Variants in MAF observed in about 807,000 individuals in gnomAD.
MAF encodes transcription factor Maf.
MAF carries 10 observed loss-of-function variants against 22.0 expected under a neutral mutation model. The ratio of observed to expected loss-of-function variants is 0.45; its 90% CI spans 0.28 to 0.77. The LOEUF is 0.77. MAF is among the 30% of genes least tolerant of loss of function. MAF has a pLI of 0.12. For missense variants in MAF, 544 were observed against 548.4 expected (o/e 0.99, Z 0.08); for synonymous variants, 337 against 255.8 (o/e 1.32, Z -3.03).
At chr16:79,436,719 C>G in the MAF span, among the ~76,000 whole-genome samples, 1 of 152,200 alleles carries the variant, frequency 6.6e-6, no homozygotes, top group Non-Finnish European at 1.5e-5. Context: ...ACATGTCACA[C>G]TTTATATTTG....
the MAF span, among the ~76,000 whole-genome samples, chr16:79,512,519 A>G: frequency 6.6e-6 from 1 of 152,034 alleles, no homozygotes; most frequent in African/African-American, 2.4e-5. Context: ...TTAGGGGAGA[A>G]ATGGCGGCTC....
the MAF span, among the ~76,000 whole-genome samples, chr16:79,329,543 TA>T: frequency 6.6e-6 from 1 of 151,832 alleles, no homozygotes; most frequent in African/African-American, 2.4e-5. Context: ...CCCCCAAAAT[TA>T]AAAAAACTGT....
the MAF span, among the ~76,000 whole-genome samples, chr16:79,567,498 T>G: frequency 6.6e-6 from 1 of 152,228 alleles, no homozygotes; most frequent in Admixed American, 6.5e-5. Context: ...TTTTGCTTTT[T>G]CTTTTTTAAA....
At chr16:79,349,284 C>G in the MAF span, among the ~76,000 whole-genome samples, 28 of 152,156 alleles carry the variant, frequency 1.8e-4, no homozygotes, top group African/African-American at 6.5e-4. Flanking sequence ...AGGTCAGGCT[C>G]CTAAGAGGGA....
the MAF span, among the ~76,000 whole-genome samples, chr16:79,286,696 T>A: frequency 7.3e-3 from 1,117 of 152,274 alleles, 16 homozygotes; most frequent in African/African-American, 0.025. Flanking sequence ...CCCACAGACA[T>A]TCCCACGCAT....
chr16:79,318,746 G>A, the MAF span, among the ~76,000 whole-genome samples: 1 of 152,150 alleles, frequency 6.6e-6, no homozygotes, highest in African/African-American at 2.4e-5. Context: ...ATCAAAGATT[G>A]TGCCATAAAA....
At chr16:79,213,791 A>AAAAGATAGTAAAAGTTT in the MAF span, among the ~76,000 whole-genome samples, 1 of 151,788 alleles carries the variant, frequency 6.6e-6, no homozygotes. Context: ...CAGCAATGCA[A>AAAAGATAGTAAAAGTTT]AAGATAGTAA....
At chr16:79,384,681 C>T in the MAF span, among the ~76,000 whole-genome samples, 6 of 150,406 alleles carry the variant, frequency 4.0e-5, no homozygotes, top group South Asian at 2.1e-4. Context: ...GGCGTGAACC[C>T]GGGAGGCGGA....
the MAF span, among the ~76,000 whole-genome samples, chr16:79,329,557 A>G: frequency 6.6e-6 from 1 of 152,186 alleles, no homozygotes; most frequent in Admixed American, 6.5e-5. Flanking sequence ...AAAACTGTAC[A>G]TTAAGCAACA....
the MAF span, among the ~76,000 whole-genome samples, chr16:79,268,559 C>T: frequency 6.6e-6 from 1 of 152,134 alleles, no homozygotes; most frequent in Non-Finnish European, 1.5e-5. Flanking sequence ...TGTAGTCGAA[C>T]TAGGACAACA....
At chr16:79,494,828 C>A in the MAF span, among the ~76,000 whole-genome samples, 5 of 152,324 alleles carry the variant, frequency 3.3e-5, no homozygotes, top group Admixed American at 3.3e-4. Flanking sequence ...TCTGGGACAT[C>A]TGACAAACTG....
the MAF span, among the ~76,000 whole-genome samples, chr16:79,356,939 C>T: frequency 6.6e-6 from 1 of 152,156 alleles, no homozygotes; most frequent in East Asian, 1.9e-4. Flanking sequence ...TTATTCTATT[C>T]ATGTTTTCTT....
chr16:79,278,874 A>C, the MAF span, among the ~76,000 whole-genome samples: 1 of 151,786 alleles, frequency 6.6e-6, no homozygotes. Flanking sequence ...CCTACTGAAC[A>C]CGTCTATTAA....
At chr16:79,315,068 T>C in the MAF span, among the ~76,000 whole-genome samples, 1 of 152,236 alleles carries the variant, frequency 6.6e-6, no homozygotes, top group African/African-American at 2.4e-5. Flanking sequence ...TATTATTAAT[T>C]TCATTTATTC....
intron 1 of MAF, among the ~76,000 whole-genome samples, chr16:79,587,515 T>G (rs1234516744): frequency 6.6e-6 from 1 of 152,156 alleles, no homozygotes; most frequent in Non-Finnish European, 1.5e-5. Flanking sequence ...GGGGAGAATA[T>G]TTTTGTAATT....
At chr16:79,218,197 G>A in the MAF span, among the ~76,000 whole-genome samples, 1 of 151,778 alleles carries the variant, frequency 6.6e-6, no homozygotes, top group Non-Finnish European at 1.5e-5. Flanking sequence ...GCCTTTCAAG[G>A]ATTCATGGTA....
At chr16:79,595,898 T>A in intron 1 of MAF, 1 of 1,058,530 alleles carries the variant, frequency 9.4e-7, no homozygotes. Flanking sequence ...TTTTCCTATT[T>A]AAGACAAATG....
the MAF span, among the ~76,000 whole-genome samples, chr16:79,255,002 T>G: frequency 6.6e-6 from 1 of 152,198 alleles, no homozygotes; most frequent in Non-Finnish European, 1.5e-5. Context: ...ATTTCACTGC[T>G]AAAGCCTTCA....
downstream of MAF, among the ~76,000 whole-genome samples, chr16:79,589,723 G>A (rs1256314061): frequency 6.6e-6 from 1 of 152,174 alleles, no homozygotes; most frequent in Non-Finnish European, 1.5e-5. Flanking sequence ...ATATCCCCCG[G>A]AGCTCGCTCG....
Sources: gnomAD v4.1 joint callset for allele counts (sites outside exome capture counted in the v4.1 genomes callset) on GRCh38, gnomAD v4.1.1 for gene constraint, MANE v1.5 for transcripts, NCBI Gene and HGNC (gene_info 2026-07-23, HGNC 2026-07-21) for gene names.